Variants in TENM2 observed in about 807,000 individuals in gnomAD.
TENM2 encodes the protein teneurin-2.
A neutral mutation model predicts 245.2 loss-of-function variants in TENM2; 52 were observed. That is an observed-to-expected ratio of 0.21 (90% CI 0.17 to 0.27). TENM2 has a LOEUF of 0.27. TENM2 is among the 10% of genes least tolerant of loss of function. The probability of loss-of-function intolerance (pLI) is 1.00; values close to 1 mark genes in which losing one functional copy is unlikely to be tolerated. For synonymous variants in TENM2, 1,363 were observed against 1,438.9 expected (o/e 0.95, Z 1.19); for missense variants, 3,046 against 3,666.8 (o/e 0.83, Z 4.37).
At chr5:167,683,628 T>C (rs1397173248) in intron 2 of TENM2, among the ~76,000 whole-genome samples, 1 of 152,172 alleles carries the variant, frequency 6.6e-6, no homozygotes, top group Non-Finnish European at 1.5e-5. Flanking sequence ...TTTCTTGAGA[T>C]AGGGAAAACC....
At chr5:167,089,980 G>A in the TENM2 span, among the ~76,000 whole-genome samples, 4 of 152,286 alleles carry the variant, frequency 2.6e-5, no homozygotes, top group South Asian at 2.1e-4. Flanking sequence ...CTCTTCACTT[G>A]TAGAGGATTG....
the TENM2 span, among the ~76,000 whole-genome samples, chr5:167,171,025 C>A: frequency 6.6e-6 from 1 of 152,162 alleles, no homozygotes; most frequent in East Asian, 1.9e-4. Context: ...ACAGCTCTGT[C>A]GTGGGTCTTT....
the TENM2 span, among the ~76,000 whole-genome samples, chr5:167,256,511 G>T: frequency 2.0e-5 from 3 of 152,114 alleles, no homozygotes; most frequent in East Asian, 1.9e-4. Flanking sequence ...AAAGGTAAAA[G>T]ATATTTATAG....
chr5:167,478,977 CTACTT>C (rs1022250382), intron 2 of TENM2, among the ~76,000 whole-genome samples: 4 of 68,224 alleles, frequency 5.9e-5, no homozygotes, highest in African/African-American at 2.2e-4. Context: ...TTGCATATGA[CTACTT>C]TATATATATG....
chr5:167,047,225 A>G, the TENM2 span, among the ~76,000 whole-genome samples: 1 of 152,214 alleles, frequency 6.6e-6, no homozygotes, highest in South Asian at 2.1e-4. Context: ...ATCACAGATG[A>G]AGCTAAAGTC....
intron 3 of TENM2, among the ~76,000 whole-genome samples, chr5:167,928,661 AG>A: frequency 6.6e-6 from 1 of 152,192 alleles, no homozygotes; most frequent in Non-Finnish European, 1.5e-5. Context: ...TGGGAGGCCG[AG>A]GCAGGTGGAT....
At chr5:167,224,678 A>G in the TENM2 span, among the ~76,000 whole-genome samples, 5 of 151,706 alleles carry the variant, frequency 3.3e-5, no homozygotes, top group African/African-American at 9.7e-5. Flanking sequence ...CTGGCTATTT[A>G]TTTTTGTTCA....
At chr5:167,873,751 C>T (rs1352811776) in intron 2 of TENM2, among the ~76,000 whole-genome samples, 1 of 152,136 alleles carries the variant, frequency 6.6e-6, no homozygotes, top group Non-Finnish European at 1.5e-5. Context: ...TGATTCTGAT[C>T]AAACTCCATC....
At chr5:167,735,123 G>T (rs560132956) in intron 2 of TENM2, among the ~76,000 whole-genome samples, 2 of 152,260 alleles carry the variant, frequency 1.3e-5, no homozygotes, top group African/African-American at 4.8e-5. Context: ...GCAAACAATT[G>T]CTTTGAAGTT....
At chr5:167,184,181 C>T in the TENM2 span, among the ~76,000 whole-genome samples, 4 of 152,178 alleles carry the variant, frequency 2.6e-5, no homozygotes, top group Admixed American at 2.6e-4. Context: ...ATTCTTAGCT[C>T]GGAATATATT....
intron 2 of TENM2, among the ~76,000 whole-genome samples, chr5:167,821,936 C>T (rs1561819314): frequency 1.3e-5 from 2 of 152,024 alleles, no homozygotes; most frequent in Admixed American, 1.3e-4. Context: ...AAATGCCTTC[C>T]CAAATTAGTG....
chr5:167,583,030 T>G (rs1304113364), intron 2 of TENM2, among the ~76,000 whole-genome samples: 1 of 152,212 alleles, frequency 6.6e-6, no homozygotes, highest in Non-Finnish European at 1.5e-5. Flanking sequence ...GTTGAGCATG[T>G]TTGCCAAGTT....
the TENM2 span, among the ~76,000 whole-genome samples, chr5:167,197,341 G>T: frequency 6.6e-6 from 1 of 152,062 alleles, no homozygotes; most frequent in Non-Finnish European, 1.5e-5. Flanking sequence ...GGACAGTCAA[G>T]TGGAAGGCTA....
chr5:167,628,422 T>C (rs1396091782), intron 2 of TENM2, among the ~76,000 whole-genome samples: 1 of 152,214 alleles, frequency 6.6e-6, no homozygotes, highest in Non-Finnish European at 1.5e-5. Context: ...CAACATTCGG[T>C]TCCATTCTCT....
chr5:167,442,043 G>A (rs1019589720), intron 2 of TENM2, among the ~76,000 whole-genome samples: 1 of 152,146 alleles, frequency 6.6e-6, no homozygotes, highest in Non-Finnish European at 1.5e-5. Context: ...GAAAAGAAAA[G>A]AAATGCATTC....
chr5:167,337,079 T>TGCAGTCC (rs1231224405), intron 1 of TENM2, among the ~76,000 whole-genome samples: 1 of 120,588 alleles, frequency 8.3e-6, no homozygotes, highest in Non-Finnish European at 1.6e-5. Flanking sequence ...ATTGCGCCAC[T>TGCAGTCC]GCAGTCCGCA....
chr5:167,714,920 A>C (rs1456924193), intron 2 of TENM2, among the ~76,000 whole-genome samples: 1 of 152,204 alleles, frequency 6.6e-6, no homozygotes, highest in African/African-American at 2.4e-5. Context: ...GAAGGGCTGA[A>C]CTACTGATGT....
chr5:167,128,109 CCTTATA>C, the TENM2 span, among the ~76,000 whole-genome samples: 1 of 152,096 alleles, frequency 6.6e-6, no homozygotes, highest in East Asian at 1.9e-4. Flanking sequence ...GCCTGCGAAT[CCTTATA>C]TGTTAAATGA....
chr5:167,529,579 A>G (rs771477444), intron 2 of TENM2, among the ~76,000 whole-genome samples: 1 of 152,190 alleles, frequency 6.6e-6, no homozygotes, highest in African/African-American at 2.4e-5. Flanking sequence ...CACATGAGTA[A>G]ATACAGAGTG....
Sources: allele counts gnomAD v4.1 joint callset (sites outside exome capture counted in the v4.1 genomes callset), GRCh38; gene constraint gnomAD v4.1.1; transcripts MANE v1.5; gene names NCBI Gene and HGNC (gene_info 2026-07-23, HGNC 2026-07-21).